SLC7A14: variants seen among roughly 807,000 people sequenced by gnomAD.
SLC7A14 encodes gamma-aminobutyric acid transporter SLC7A14.
A neutral mutation model predicts 60.2 loss-of-function variants in SLC7A14; 37 were observed. The ratio of observed to expected loss-of-function variants is 0.61; its 90% CI spans 0.47 to 0.81. SLC7A14 has a LOEUF of 0.81. Ranked by LOEUF, SLC7A14 falls within the 30% of genes least tolerant of loss-of-function variation. SLC7A14 has a pLI of 0.00. For synonymous variants in SLC7A14, 399 were observed against 395.8 expected (o/e 1.01, Z -0.10); for missense variants, 886 against 982.7 (o/e 0.90, Z 1.32).
intron 2 of SLC7A14, among the ~76,000 whole-genome samples, chr3:170,510,600 C>T (rs1475948002): frequency 6.6e-6 from 1 of 152,026 alleles, no homozygotes; most frequent in Non-Finnish European, 1.5e-5. Context: ...ACTGCTTTAT[C>T]AAATGATAAT....
At chr3:170,537,952 A>AT (rs5854375) in intron 1 of SLC7A14, among the ~76,000 whole-genome samples, 2 of 152,026 alleles carry the variant, frequency 1.3e-5, no homozygotes, top group African/African-American at 4.8e-5. Context: ...TTCTAAACAT[A>AT]TTTTTTTTCT....
intron 7 of SLC7A14, among the ~76,000 whole-genome samples, chr3:170,479,076 C>G (rs187603465): frequency 1.3e-4 from 20 of 152,198 alleles, no homozygotes; most frequent in African/African-American, 4.8e-4. Flanking sequence ...GGGCCATGAT[C>G]AAGCCACTGC....
Position 170,462,962 on chromosome 3 carries a change from G to C in SLC7A14, c.*4093C>G, listed in dbSNP as rs940502489. ...GTACAGCTATTTTTCTCTTTAATTT[G>C]TTAAATCAATTTGGAGTGTATATGT... On this transcript the variant is annotated 3_prime_UTR_variant, in exon 8 of 8. Transcript: ENST00000231706. The C allele has an allele frequency of 2.6e-5, 4 of 152,120 alleles. No homozygotes were observed. Among genetic ancestry groups the C allele is most frequent in the Non-Finnish European group, 5.9e-5 (4 of 68,026 alleles). 9.4% of individuals were successfully genotyped at this position (152,120 alleles called of 1,614,324 possible). A position where few individuals can be genotyped will look rare whatever the true frequency, so the allele number is the denominator to read the frequency against.
intron 1 of SLC7A14, among the ~76,000 whole-genome samples, chr3:170,560,340 C>T (rs955880015): frequency 9.9e-5 from 15 of 151,866 alleles, no homozygotes; most frequent in African/African-American, 3.6e-4. Context: ...AAAGCATATA[C>T]GATTAGAACA....
intron 7 of SLC7A14, among the ~76,000 whole-genome samples, chr3:170,471,382 A>G (rs1739904168): frequency 6.6e-6 from 1 of 152,120 alleles, no homozygotes; most frequent in African/African-American, 2.4e-5. Flanking sequence ...AGCTCCCTTC[A>G]TGCTCCCTCC....
intron 1 of SLC7A14, among the ~76,000 whole-genome samples, chr3:170,566,976 A>G (rs1714808592): frequency 6.6e-6 from 1 of 151,884 alleles, no homozygotes; most frequent in South Asian, 2.1e-4. Context: ...TACAACTGAT[A>G]TTGTCCTACT....
rs747642048 is a variant in SLC7A14 at position 170,507,754 on chromosome 3, C to G, written c.305-6409G>C. Among the ~76,000 whole-genome samples the G allele has an allele frequency of 2.0e-5, 3 of 152,280 alleles. No individual in the cohort carries two copies. The South Asian group carries it at 6.2e-4, about 32-fold the overall frequency. On this transcript the variant is annotated intron_variant, in intron 2 of 7. Coordinates refer to ENST00000231706, the MANE Select transcript of SLC7A14 (RefSeq NM_020949.3). ...AAAGCTCTCTCTTAGTTGTAGAACT[C>G]TATTTTCCACACACAGTCTTATTTG... is the stretch of plus-strand genomic sequence containing the variant.
chr3:170,495,671 C>G, intron 4 of SLC7A14: 1 of 876,880 alleles, frequency 1.1e-6, no homozygotes, highest in Admixed American at 1.7e-5. Context: ...GCCCTGTTAA[C>G]CTGGAGGTAG....
chr3:170,496,013 C>A, intron 4 of SLC7A14: 1 of 1,166,098 alleles, frequency 8.6e-7, no homozygotes, highest in Non-Finnish European at 1.3e-6. Context: ...ATGAATTTGT[C>A]CTCATCAAGA....
intron 7 of SLC7A14, among the ~76,000 whole-genome samples, chr3:170,475,257 G>A (rs777185888): frequency 3.3e-5 from 5 of 152,130 alleles, no homozygotes; most frequent in Non-Finnish European, 7.4e-5. Context: ...CAAAAATGCC[G>A]CAATTAAGAT....
chr3:170,579,971 A>G (rs1715192124), intron 1 of SLC7A14, among the ~76,000 whole-genome samples: 1 of 152,252 alleles, frequency 6.6e-6, no homozygotes, highest in African/African-American at 2.4e-5. Flanking sequence ...TATCTTGGCC[A>G]TCACTATTTA....
chr3:170,577,892 C>G (rs1715140512), intron 1 of SLC7A14, among the ~76,000 whole-genome samples: 2 of 152,138 alleles, frequency 1.3e-5, no homozygotes, highest in African/African-American at 4.8e-5. Flanking sequence ...GTATTTATGA[C>G]TAATTTGTTA....
intron 1 of SLC7A14, among the ~76,000 whole-genome samples, chr3:170,538,245 C>A (rs1428276993): frequency 6.6e-6 from 1 of 152,200 alleles, no homozygotes; most frequent in Non-Finnish European, 1.5e-5. Flanking sequence ...GGATGACTGA[C>A]TTTGTGCTTC....
At chr3:170,576,897 C>T (rs1211836672) in intron 1 of SLC7A14, among the ~76,000 whole-genome samples, 1 of 152,096 alleles carries the variant, frequency 6.6e-6, no homozygotes, top group Non-Finnish European at 1.5e-5. Context: ...AGGTTGAGGA[C>T]CATTAATTTG....
Position 170,496,469 on chromosome 3 carries a change from T to C in SLC7A14, c.759+2198A>G. ...CCGAGCAGCGTGGGGAGCTGGCCGT[T>C]AAGGATGCCAGCGCCAAGCGGTCGG... On this transcript the variant is annotated intron_variant, in intron 4 of 7. Coordinates refer to ENST00000231706, the MANE Select transcript of SLC7A14 (RefSeq NM_020949.3). 16 of 1,320,372 alleles carry C rather than the reference T, an allele frequency of 1.2e-5. No individual in the cohort carries two copies. The South Asian group carries it at 1.9e-4, about 16-fold the overall frequency. 81.8% of individuals were successfully genotyped at this position (1,320,372 alleles called of 1,614,324 possible). A position where few individuals can be genotyped will look rare whatever the true frequency, so the allele number is the denominator to read the frequency against.
At chr3:170,496,132 A>C in intron 4 of SLC7A14, 2 of 976,906 alleles carry the variant, frequency 2.0e-6, no homozygotes, top group Non-Finnish European at 3.3e-6. Context: ...GAGATCCAGG[A>C]GCTGCAGTCC....
chr3:170,496,838 G>A (rs989935090), intron 4 of SLC7A14, among the ~76,000 whole-genome samples: 1 of 152,140 alleles, frequency 6.6e-6, no homozygotes, highest in African/African-American at 2.4e-5. Context: ...ATTGAGACCC[G>A]CGATGGGAAG....
At chr3:170,518,360 C>G (rs1713237119) in intron 2 of SLC7A14, among the ~76,000 whole-genome samples, 1 of 152,166 alleles carries the variant, frequency 6.6e-6, no homozygotes, top group African/African-American at 2.4e-5. Flanking sequence ...AATAGTTTCT[C>G]TATTATATGT....
intron 1 of SLC7A14, among the ~76,000 whole-genome samples, chr3:170,528,839 G>A (rs892353031): frequency 6.6e-6 from 1 of 151,916 alleles, no homozygotes; most frequent in Non-Finnish European, 1.5e-5. Flanking sequence ...TATGTTTACC[G>A]AGAAGGCCGC....
Sources: allele counts gnomAD v4.1 joint callset (sites outside exome capture counted in the v4.1 genomes callset), GRCh38; gene constraint gnomAD v4.1.1; transcripts MANE v1.5; gene names NCBI Gene and HGNC (gene_info 2026-07-23, HGNC 2026-07-21).